Variants in MYO1H observed in about 807,000 individuals in gnomAD.
MYO1H encodes myosin IH, also known as unconventional myosin-Ih.
Under a neutral mutation model 149.3 loss-of-function variants are expected in MYO1H, and 118 were observed. The ratio of observed to expected loss-of-function variants is 0.79; its 90% CI spans 0.68 to 0.92. The LOEUF (loss-of-function observed/expected upper bound fraction) is 0.92. MYO1H is among the 40% of genes least tolerant of loss of function. The probability of loss-of-function intolerance (pLI) is 0.00; values close to 1 mark genes in which losing one functional copy is unlikely to be tolerated. For missense variants in MYO1H, 1,212 were observed against 1,280.7 expected (o/e 0.95, Z 0.82); for synonymous variants, 447 against 465.2 (o/e 0.96, Z 0.50).
intron 7 of MYO1H, among the ~76,000 whole-genome samples, chr12:109,405,479 T>C (rs1222107335): frequency 6.6e-6 from 1 of 151,982 alleles, no homozygotes; most frequent in Non-Finnish European, 1.5e-5. Flanking sequence ...CCCAGCTAAT[T>C]TTTGTGTTTT....
intron 2 of MYO1H, among the ~76,000 whole-genome samples, chr12:109,392,837 G>C (rs956158998): frequency 6.6e-5 from 10 of 151,698 alleles, no homozygotes; most frequent in Non-Finnish European, 1.3e-4. Context: ...TTGAGTCAGA[G>C]TCTCGCTCTG....
chr12:109,341,032 C>A, the MYO1H span, among the ~76,000 whole-genome samples: 2 of 151,778 alleles, frequency 1.3e-5, no homozygotes, highest in Non-Finnish European at 2.9e-5. Flanking sequence ...ACCAAAAATA[C>A]AAAAAATTAG....
chr12:109,386,080 T>A (rs555628937), intron 1 of MYO1H, among the ~76,000 whole-genome samples: 1 of 152,328 alleles, frequency 6.6e-6, no homozygotes, highest in East Asian at 1.9e-4. Context: ...TAGTTTTGCT[T>A]GTCCCAGTGT....
At chr12:109,349,098 T>C (rs547548924) in intron 1 of MYO1H, among the ~76,000 whole-genome samples, 18 of 152,282 alleles carry the variant, frequency 1.2e-4, no homozygotes, top group South Asian at 4.1e-4. Flanking sequence ...GCATGATTCA[T>C]TGGGAGAAAA....
chr12:109,425,221 CT>C (rs1489690305), intron 17 of MYO1H, among the ~76,000 whole-genome samples: 3 of 152,174 alleles, frequency 2.0e-5, no homozygotes, highest in Non-Finnish European at 2.9e-5. Flanking sequence ...ATAGTCCCAG[CT>C]ACTTTCGGAG....
Position 109,420,076 on chromosome 12 carries a change from C to T in MYO1H, c.1598-905C>T, listed in dbSNP as rs567043728. ...TTTTCTCAGTCGTGGGGAATTTTCTCATCTATTTAGAGTCCCAGCTGGCTG... is the reference window on the plus strand; with the variant it reads ...TTTTCTCAGTCGTGGGGAATTTTCTTATCTATTTAGAGTCCCAGCTGGCTG... On this transcript the variant is annotated intron_variant, in intron 15 of 31. Coordinates refer to ENST00000310903, the Ensembl canonical transcript of MYO1H. Among the ~76,000 whole-genome samples the T allele has an allele frequency of 2.0e-5, 3 of 152,300 alleles. No individual in the cohort carries two copies. The East Asian group carries it at 5.8e-4, about 29-fold the overall frequency.
At chr12:109,375,056 T>C (rs538850936) in intron 1 of MYO1H, among the ~76,000 whole-genome samples, 3 of 152,216 alleles carry the variant, frequency 2.0e-5, no homozygotes, top group African/African-American at 7.2e-5. Context: ...GGTTTCGCCA[T>C]GTTGGCCAGG....
intron 31 of MYO1H, among the ~76,000 whole-genome samples, chr12:109,446,824 T>C (rs560336293): frequency 1.9e-4 from 29 of 152,338 alleles, no homozygotes; most frequent in South Asian, 4.1e-4. Context: ...TGAACTCCTT[T>C]GGGGACAAGT....
chr12:109,414,121 G>A (rs562825716), intron 14 of MYO1H, among the ~76,000 whole-genome samples: 15 of 152,214 alleles, frequency 9.9e-5, no homozygotes, highest in African/African-American at 3.1e-4. Flanking sequence ...TGAGCCGTAC[G>A]CTTAGAATAT....
the MYO1H span, among the ~76,000 whole-genome samples, chr12:109,317,578 T>G: frequency 3.3e-5 from 5 of 152,150 alleles, no homozygotes; most frequent in Admixed American, 6.5e-5. Flanking sequence ...TTATCCTAAG[T>G]ATTATTTTTC....
the MYO1H span, among the ~76,000 whole-genome samples, chr12:109,327,636 C>T: frequency 1.4e-5 from 2 of 147,700 alleles, no homozygotes; most frequent in African/African-American, 5.0e-5. Context: ...ATCGCAGCTA[C>T]TCAGGAGGCT....
intron 3 of MYO1H, among the ~76,000 whole-genome samples, 184 bp downstream of exon 3, chr12:109,393,630 C>T (rs911433451): frequency 6.6e-6 from 1 of 150,962 alleles, no homozygotes; most frequent in Non-Finnish European, 1.5e-5. Context: ...CATCCATCCA[C>T]ATATCCATCC....
chr12:109,344,567 A>G (rs1173437228), upstream of MYO1H, among the ~76,000 whole-genome samples: 1 of 152,182 alleles, frequency 6.6e-6, no homozygotes, highest in East Asian at 1.9e-4. Flanking sequence ...CCCCAAATTG[A>G]CCTACATATT....
chr12:109,444,332 C>A, intron 29 of MYO1H, 49 bp downstream of exon 29: 2 of 1,582,726 alleles, frequency 1.3e-6, no homozygotes, highest in Non-Finnish European at 1.7e-6. Flanking sequence ...CAATACACTG[C>A]CAAAATGTTA....
chr12:109,429,759 G>A (rs1358464467), intron 19 of MYO1H, among the ~76,000 whole-genome samples: 174 of 152,026 alleles, frequency 1.1e-3, no homozygotes, highest in Non-Finnish European at 2.1e-3. Context: ...TTAGGTAAGG[G>A]GGTCACTCTC....
At chr12:109,318,982 T>TTTTTTTTTTTTGTTTTTTTTG in the MYO1H span, among the ~76,000 whole-genome samples, 1 of 144,912 alleles carries the variant, frequency 6.9e-6, no homozygotes, top group African/African-American at 2.6e-5. Context: ...GTTTTTTTTT[T>TTTTTTTTTTTTGTTTTTTTTG]TTTTTTTTTT....
intron 1 of MYO1H, among the ~76,000 whole-genome samples, chr12:109,362,047 G>A (rs1868765625): frequency 6.8e-6 from 1 of 146,104 alleles, no homozygotes; most frequent in Admixed American, 7.4e-5. Context: ...CTTTGGATTG[G>A]GGCAGATTGC....
chr12:109,390,655 CTTGT>C (rs757715095), intron 2 of MYO1H, among the ~76,000 whole-genome samples: 26 of 150,946 alleles, frequency 1.7e-4, no homozygotes, highest in African/African-American at 4.4e-4. Context: ...ATCCTGTTTT[CTTGT>C]TTGTTTGTTT....
At chr12:109,348,762 C>T (rs375474814) in intron 1 of MYO1H, among the ~76,000 whole-genome samples, 1 of 152,190 alleles carries the variant, frequency 6.6e-6, no homozygotes, top group African/African-American at 2.4e-5. Context: ...CATGTGTTCT[C>T]TGTTTAGAAA....
Sources: gnomAD v4.1 joint callset for allele counts (sites outside exome capture counted in the v4.1 genomes callset) on GRCh38, gnomAD v4.1.1 for gene constraint, MANE v1.5 for transcripts, NCBI Gene and HGNC (gene_info 2026-07-23, HGNC 2026-07-21) for gene names.